Variants in TECTA observed in about 807,000 individuals in gnomAD.
TECTA encodes alpha-tectorin.
In TECTA, 128 loss-of-function variants were observed where a neutral mutation model predicts 216.8. The observed-to-expected ratio is 0.59, with a 90% CI of 0.51 to 0.68. The LOEUF is 0.68. TECTA is among the 30% of genes least tolerant of loss of function. The pLI is 0.00. For missense variants in TECTA, 2,551 were observed against 2,786.2 expected (o/e 0.92, Z 1.90); for synonymous variants, 1,089 against 1,117.1 (o/e 0.97, Z 0.50).
Position 121,122,002 on chromosome 11 carries a change from T to C in TECTA, c.1203+3284T>C, listed in dbSNP as rs11218149. On this transcript the variant is annotated intron_variant, in intron 7 of 23. Transcript: ENST00000392793. ...CCATATTATAGGCAAGGTCACCTAG[T>C]AAGAGTTGGCTAACCCTCTACCTAG... Among the ~76,000 whole-genome samples, 1,131 of 152,258 alleles carry C rather than the reference T, an allele frequency of 7.4e-3. 18 individuals carry two copies. Among genetic ancestry groups the C allele is most frequent in the African/African-American group, 0.026 (1,062 of 41,554 alleles).
intron 3 of TECTA, among the ~76,000 whole-genome samples, chr11:121,108,561 TAC>T (rs151017407): frequency 0.13 from 16,312 of 130,386 alleles, 1,152 homozygotes; most frequent in Non-Finnish European, 0.16. Flanking sequence ...CCACCCCCAG[TAC>T]ACACACACAC....
chr11:121,125,934 G>A (rs1005668265), intron 8 of TECTA, 62 bp downstream of exon 8: 14 of 1,563,222 alleles, frequency 9.0e-6, no homozygotes, highest in Non-Finnish European at 1.0e-5. Context: ...GATAGGCTTT[G>A]GGGGCTCCTC....
chr11:121,165,322 T>C lies in TECTA; in HGVS notation c.5322T>C (p.Thr1774=). 1 of 1,609,006 alleles carries C rather than the reference T, an allele frequency of 6.2e-7. No homozygotes were observed. The highest frequency in any genetic ancestry group is 2.2e-5 in the East Asian group (1 of 44,804). ...PCVGADCPNR[T]CELGNGRELC... ...TGGGGGCGGACTGTCCCAACCGAAC[T>C]TGCGAGCTGGGCAATGGCAGGGAGC... Residue 1774 remains threonine (T), a synonymous_variant, in exon 17 of 24, where the codon ACT becomes ACC. Transcript: ENST00000392793.
At position 121,145,660 on chromosome 11, in the gene TECTA, G is replaced by T. The variant is rs1297304352; in HGVS notation, c.3649G>T (p.Val1217Phe). 6.2e-7 allele frequency: 1 copy of T among 1,614,216 alleles called. No individual in the cohort carries two copies. Among genetic ancestry groups the T allele is most frequent in the Non-Finnish European group, 8.5e-7 (1 of 1,180,028 alleles). Reference sequence around the variant, plus strand: ...GGTGGAAACTGATTTTGGCCTGAAGGTTGTATATGACTGGAAGACCTTCCT... The same window carrying T: ...GGTGGAAACTGATTTTGGCCTGAAGTTTGTATATGACTGGAAGACCTTCCT... ...VVVETDFGLK[V>F]VYDWKTFLSI... The change falls in exon 12 of 24, where the codon GTT becomes TTT. Residue 1217 changes from valine (V) to phenylalanine (F), a missense_variant. Physicochemically the swap from Val to Phe is conservative, Grantham distance 50 (BLOSUM62 -1). This residue lies in a region of TECTA where 2,375 missense variants were observed against 2,563.9 expected (regional missense o/e 0.93). Transcript: ENST00000392793.
In TECTA at chr11:121,105,707, A is replaced by T. The variant is rs532191241; in HGVS notation, c.65-124A>T. 1.2e-5 allele frequency: 15 copies of T among 1,219,960 alleles called. No homozygotes were observed. The East Asian group carries it at 3.7e-4, about 30-fold the overall frequency. 75.6% of individuals were successfully genotyped at this position (1,219,960 alleles called of 1,614,324 possible). A position where few individuals can be genotyped will look rare whatever the true frequency, so the allele number is the denominator to read the frequency against. Reference sequence around the variant, plus strand: ...CTAGGTTTAGGATGAATGACAGGGCAGTATGACTTGCATTCAGCTTGCAAG... The same window carrying T: ...CTAGGTTTAGGATGAATGACAGGGCTGTATGACTTGCATTCAGCTTGCAAG... On this transcript the variant is annotated intron_variant, in intron 2 of 23. Transcript: ENST00000392793. This position sits in a 1 kb window ranked among gnomAD's most constrained non-coding sequence, Gnocchi z 5.3.
chr11:121,127,701 A>T lies in TECTA; in HGVS notation c.1775-51A>T. ...AGCGTTAAGATTCTGGCGGGTTAGC[A>T]CTCCGGGTCCATTCACCTTGTTATC... is the stretch of plus-strand genomic sequence containing the variant. On this transcript the variant is annotated intron_variant, in intron 8 of 23. Transcript: ENST00000392793. The surrounding 1 kb of genome is among the most constrained non-coding windows in gnomAD (Gnocchi z 5.0). The T allele has an allele frequency of 6.2e-7, 1 of 1,602,034 alleles. No homozygotes were observed. Among genetic ancestry groups the T allele is most frequent in the Non-Finnish European group, 8.6e-7 (1 of 1,169,260 alleles).
chr11:121,137,750 T>C lies in TECTA; in HGVS notation c.3271T>C (p.Tyr1091His). The change falls in exon 11 of 24, where the codon TAC becomes CAC. Residue 1091 changes from tyrosine to histidine, a missense_variant. Around this residue, in one of 3 missense-constraint regions of TECTA, gnomAD observed 2,375 missense variants for 2,563.9 expected, o/e 0.93. Coordinates refer to ENST00000392793, the MANE Select transcript of TECTA (RefSeq NM_005422.4). ...CTGCATGGAGGAAGGTGGCCTGTAC[T>C]ACTGCCAAGCCCGCACCGACGCCTC... ...EYCMEEGGLY[Y>H]CQARTDASCI... The C allele has an allele frequency of 6.2e-7, 1 of 1,614,164 alleles. No homozygotes were observed. Among genetic ancestry groups the C allele is most frequent in the Non-Finnish European group, 8.5e-7 (1 of 1,180,034 alleles).
intron 14 of TECTA, 134 bp downstream of exon 14, chr11:121,158,358 AG>A: frequency 8.0e-7 from 1 of 1,254,842 alleles, no homozygotes; most frequent in South Asian, 1.3e-5. Context: ...CACAGTGACC[AG>A]GTTTTAAAGA....
intron 12 of TECTA, among the ~76,000 whole-genome samples, chr11:121,147,084 G>GT (rs1323234044): frequency 6.6e-6 from 1 of 152,042 alleles, no homozygotes; most frequent in African/African-American, 2.4e-5. Flanking sequence ...ACTTGTGGGG[G>GT]TGGGGGGGAA....
At chr11:121,181,168 A>C (rs1947224720) in intron 20 of TECTA, among the ~76,000 whole-genome samples, 1 of 152,190 alleles carries the variant, frequency 6.6e-6, no homozygotes, top group Admixed American at 6.5e-5. Flanking sequence ...CGTCTCAAAA[A>C]AAATAATTCT....
rs2135080891 is a variant in TECTA, at chr11:121,127,749, C to G, written c.1775-3C>G. ...ATCGGCTCTCTTCCTTTCCCCGCGT[C>G]AGTGTCCACAGTGCAGTGCCCGAGC... On this transcript the variant is annotated splice_region_variant and splice_polypyrimidine_tract_variant and intron_variant, in intron 8 of 23. Transcript: ENST00000392793. This position sits in a 1 kb window ranked among gnomAD's most constrained non-coding sequence, Gnocchi z 5.0. 1 of 1,614,112 alleles carries G rather than the reference C, an allele frequency of 6.2e-7. No homozygotes were observed. Among genetic ancestry groups the G allele is most frequent in the East Asian group, 2.2e-5 (1 of 44,888 alleles).
Position 121,191,015 on chromosome 11 carries a change from T to G in TECTA, c.*209T>G, listed in dbSNP as rs1947335789. On this transcript the variant is annotated 3_prime_UTR_variant, in exon 24 of 24. Coordinates refer to ENST00000392793, the MANE Select transcript of TECTA (RefSeq NM_005422.4). The stretch of plus-strand genomic sequence containing the variant: ...TGAAACGGGGCTTCTACAAGCCAGT[T>G]ATGGAAAGTATCTCTCTTGTGTAAA... 1 of 486,202 alleles carries G rather than the reference T, an allele frequency of 2.1e-6. No individual in the cohort carries two copies. Among genetic ancestry groups the G allele is most frequent in the Admixed American group, 3.2e-5 (1 of 30,862 alleles). 30.1% of individuals were successfully genotyped at this position (486,202 alleles called of 1,614,324 possible).
chr11:121,137,033 T>A (rs1946733746), intron 10 of TECTA, among the ~76,000 whole-genome samples: 1 of 152,076 alleles, frequency 6.6e-6, no homozygotes, highest in Non-Finnish European at 1.5e-5. Context: ...GGGACTTGGA[T>A]CTCCCAAATG....
intron 12 of TECTA, among the ~76,000 whole-genome samples, chr11:121,148,174 C>T (rs1946857747): frequency 2.0e-5 from 3 of 152,208 alleles, no homozygotes. Flanking sequence ...GCCGAGTCTG[C>T]CCTGCCTCAT....
chr11:121,123,059 A>G (rs372629019), intron 7 of TECTA, among the ~76,000 whole-genome samples: 16 of 152,244 alleles, frequency 1.1e-4, no homozygotes, highest in Non-Finnish European at 2.1e-4. Context: ...CCATCATCTC[A>G]TCGCCTAGAC....
intron 20 of TECTA, among the ~76,000 whole-genome samples, chr11:121,175,796 G>C (rs1187500455): frequency 6.6e-6 from 1 of 152,180 alleles, no homozygotes; most frequent in African/African-American, 2.4e-5. Flanking sequence ...GGGTGTTAAA[G>C]TCTCCCATTA....
At chr11:121,183,070 G>T (rs187768672) in intron 20 of TECTA, among the ~76,000 whole-genome samples, 1 of 152,152 alleles carries the variant, frequency 6.6e-6, no homozygotes, top group Non-Finnish European at 1.5e-5. Context: ...CCTCCCTGGC[G>T]CACTGCATCA....
At chr11:121,109,165 G>C in intron 3 of TECTA, 46 bp from the exon 4 acceptor site, 1 of 1,607,026 alleles carries the variant, frequency 6.2e-7, no homozygotes, top group Non-Finnish European at 8.5e-7. Flanking sequence ...CTCTGAAGTT[G>C]TTATGGTTTC....
rs1946907823 is a variant in TECTA, at chr11:121,153,059, C to T, written c.4284C>T (p.Tyr1428=). ...SCILPHSCGC[Y]SDGKYYEPKQ... ...TCCTGCCCCACAGCTGCGGCTGCTA[C>T]TCCGATGGCAAATATTACGAGGTAT... Residue 1428 remains tyrosine, a synonymous_variant, in exon 13 of 24, where the codon TAC becomes TAT. Coordinates refer to ENST00000392793, the MANE Select transcript of TECTA (RefSeq NM_005422.4). 3 of 1,613,942 alleles carry T rather than the reference C, an allele frequency of 1.9e-6. No individual in the cohort carries two copies. Among genetic ancestry groups the T allele is most frequent in the Non-Finnish European group, 2.5e-6 (3 of 1,179,998 alleles).
Sources: allele counts gnomAD v4.1 joint callset (sites outside exome capture counted in the v4.1 genomes callset), GRCh38; gene constraint gnomAD v4.1.1; regional missense constraint gnomAD v4.1.1; non-coding constraint Gnocchi (gnomAD v3.1); transcripts MANE v1.5; gene names NCBI Gene and HGNC (gene_info 2026-07-23, HGNC 2026-07-21).